The following SP2 variants were observed in gnomAD, a reference collection of about 807,000 sequenced individuals.
SP2 encodes transcription factor Sp2.
In SP2, 9 loss-of-function variants were observed where a neutral mutation model predicts 50.1. The ratio of observed to expected loss-of-function variants is 0.18; its 90% CI spans 0.11 to 0.31. The LOEUF is 0.31. Ranked by LOEUF, SP2 falls within the 10% of genes least tolerant of loss-of-function variation. The pLI, the probability that SP2 is intolerant of heterozygous loss-of-function variation, is 1.00. For synonymous variants in SP2, 313 were observed against 326.6 expected (o/e 0.96, Z 0.45); for missense variants, 581 against 806.5 (o/e 0.72, Z 3.39).
intron 1 of SP2, chr17:47,897,856 G>A (rs2034400523): frequency 1.0e-6 from 1 of 985,388 alleles, no homozygotes; most frequent in Non-Finnish European, 1.2e-6. Context: ...GGCTGATGAT[G>A]TCAGTGTTCC....
At chr17:47,899,086 T>G (rs1172921843) in intron 1 of SP2, 1 of 152,256 alleles carries the variant, frequency 6.6e-6, no homozygotes, top group Non-Finnish European at 1.5e-5. Context: ...TGCAACTCCT[T>G]GTATGACGTT....
chr17:47,931,363 AT>A (rs909451528), downstream of SP2, among the ~76,000 whole-genome samples: 1 of 152,092 alleles, frequency 6.6e-6, no homozygotes, highest in African/African-American at 2.4e-5. Flanking sequence ...AAGAAAAAAA[AT>A]CATCTTTCCA....
In SP2 at chr17:47,927,673, GACAGGGTCTGTGC is replaced by G. The variant is rs767871664; in HGVS notation, c.1742-38_1742-26del. ...CACGCACCCCACCTTTTTGGGCAGA[GACAGGGTCTGTGC>G]ACAGGGTCTGTGGGTGATGGGCATC... On this transcript the variant is annotated intron_variant, in intron 6 of 6. Coordinates refer to ENST00000376741, the MANE Select transcript of SP2 (RefSeq NM_003110.6). The G allele has an allele frequency of 8.3e-6, 11 of 1,324,076 alleles. No individual in the cohort carries two copies. The African/African-American group carries it at 1.0e-4, about 12-fold the overall frequency. 82.0% of individuals were successfully genotyped at this position (1,324,076 alleles called of 1,614,324 possible). A position where few individuals can be genotyped will look rare whatever the true frequency, so the allele number is the denominator to read the frequency against.
chr17:47,923,387 A>G, intron 4 of SP2, 113 bp downstream of exon 4: 2 of 873,302 alleles, frequency 2.3e-6, no homozygotes, highest in Middle Eastern at 3.0e-4. Flanking sequence ...GCTGTCCATC[A>G]TAGCTTAAGG....
At chr17:47,920,848 T>G (rs1168337010) in intron 3 of SP2, among the ~76,000 whole-genome samples, 2 of 152,216 alleles carry the variant, frequency 1.3e-5, no homozygotes, top group Non-Finnish European at 2.9e-5. Context: ...ATTTTTAGTA[T>G]ATTCACAGAG....
At chr17:47,917,863 G>A (rs1053341957) in intron 3 of SP2, 2 of 360,540 alleles carry the variant, frequency 5.5e-6, no homozygotes, top group Non-Finnish European at 1.1e-5. Flanking sequence ...CTAATACTCT[G>A]GAATCTCTTT....
rs28585388 is a variant in SP2 at position 47,906,660 on chromosome 17, C to T, written c.8-8652C>T. ...AGAAAGAGCTGTAAGCAAGGAAAGA[C>T]AGCTGCAGACACTGAAGTTTTTCAA... On this transcript the variant is annotated intron_variant, in intron 1 of 6. Coordinates refer to ENST00000376741, the MANE Select transcript of SP2 (RefSeq NM_003110.6). 9.5e-3 allele frequency among the ~76,000 whole-genome samples: 1,452 copies of T among 152,322 alleles called. 20 individuals carry two copies. The highest frequency in any genetic ancestry group is 0.03 in the African/African-American group (1,266 of 41,570).
chr17:47,903,995 G>C (rs1308836571), intron 1 of SP2, among the ~76,000 whole-genome samples: 1 of 151,246 alleles, frequency 6.6e-6, no homozygotes, highest in Non-Finnish European at 1.5e-5. Flanking sequence ...AGGTGCAGTG[G>C]CTCATGCCTG....
intron 1 of SP2, among the ~76,000 whole-genome samples, chr17:47,905,463 C>T (rs1430506477): frequency 6.6e-6 from 1 of 152,206 alleles, no homozygotes; most frequent in Non-Finnish European, 1.5e-5. Context: ...AGCCGAGTTA[C>T]CCCCAAGGCC....
chr17:47,916,093 G>A lies in SP2; in HGVS notation c.85-63G>A. 1 of 1,546,858 alleles carries A rather than the reference G, an allele frequency of 6.5e-7. No individual in the cohort carries two copies. The highest frequency in any genetic ancestry group is 1.9e-5 in the Admixed American group (1 of 53,782). ...ATGCCGCCAGGAGGAGAGGATCATG[G>A]ACAGAGGCGGCCGGGCAGCGGGCCT... On this transcript the variant is annotated intron_variant, in intron 2 of 6. Coordinates refer to ENST00000376741, the MANE Select transcript of SP2 (RefSeq NM_003110.6). This position sits in a 1 kb window ranked among gnomAD's most constrained non-coding sequence, Gnocchi z 4.7.
At chr17:47,917,770 C>T in intron 3 of SP2, 1 of 445,354 alleles carries the variant, frequency 2.2e-6, no homozygotes, top group Non-Finnish European at 4.5e-6. Context: ...TGTCACCATG[C>T]CAGGCTGAGC....
At chr17:47,919,002 TAC>T (rs35792055) in intron 3 of SP2, among the ~76,000 whole-genome samples, 20,352 of 151,444 alleles carry the variant, frequency 0.13, 1,690 homozygotes, top group Middle Eastern at 0.2. Flanking sequence ...CAGATGCAAA[TAC>T]ACACACACAC....
chr17:47,916,557 C>T lies in SP2; in HGVS notation c.486C>T (p.Thr162=), dbSNP rs1362749028. 1 of 1,614,154 alleles carries T rather than the reference C, an allele frequency of 6.2e-7. No individual in the cohort carries two copies. ...LTNQIQIIPG[T]NQAIITPSPS... is the part of the protein sequence containing the mutation. Reference sequence around the variant, plus strand: ...ACCAGATCCAGATCATCCCTGGCACCAACCAAGCCATCATCACCCCCTCAC... The same window carrying T: ...ACCAGATCCAGATCATCCCTGGCACTAACCAAGCCATCATCACCCCCTCAC... The change falls in exon 3 of 7, where the codon ACC becomes ACT. Residue 162 remains threonine, a synonymous_variant. Coordinates refer to ENST00000376741, the MANE Select transcript of SP2 (RefSeq NM_003110.6). The surrounding 1 kb of genome is among the most constrained non-coding windows in gnomAD (Gnocchi z 4.7).
At chr17:47,922,327 T>C (rs973037983) in intron 3 of SP2, among the ~76,000 whole-genome samples, 1 of 152,198 alleles carries the variant, frequency 6.6e-6, no homozygotes, top group African/African-American at 2.4e-5. Context: ...AGGTTTTTGA[T>C]ACATATCCCC....
chr17:47,914,852 C>T (rs2035127085), intron 1 of SP2: 2 of 153,246 alleles, frequency 1.3e-5, no homozygotes, highest in African/African-American at 4.8e-5. Flanking sequence ...AGGCTATCAA[C>T]CCAGGGTGGG....
At chr17:47,914,404 G>A (rs532374286) in intron 1 of SP2, among the ~76,000 whole-genome samples, 2 of 152,054 alleles carry the variant, frequency 1.3e-5, no homozygotes, top group East Asian at 1.9e-4. Context: ...CCCATGTGCT[G>A]TATATGCTGC....
intron 1 of SP2, chr17:47,900,479 A>G (rs2034494496): frequency 6.6e-6 from 1 of 152,266 alleles, no homozygotes; most frequent in Non-Finnish European, 1.5e-5. Flanking sequence ...TCATTTCAGA[A>G]GCTGATTCTG....
rs2034321821 is a variant in SP2 at position 47,896,255 on chromosome 17, A to T, written c.-32A>T. 3 of 1,226,566 alleles carry T rather than the reference A, an allele frequency of 2.4e-6. No individual in the cohort carries two copies. The highest frequency in any genetic ancestry group is 3.3e-5 in the African/African-American group (2 of 60,452). The allele number at this position is 1,226,566 out of a possible 1,614,324, so 76.0% of individuals were successfully genotyped here. A position where few individuals can be genotyped will look rare whatever the true frequency, so the allele number is the denominator to read the frequency against. The stretch of plus-strand genomic sequence containing the variant: ...GGTGTCAGGCTCTCGGTGGCGGCGG[A>T]GGCGGCGGAGGCCAGGGAGGAAGAT... On this transcript the variant is annotated 5_prime_UTR_variant, in exon 1 of 7. Transcript: ENST00000376741.
Position 47,916,802 on chromosome 17 carries a change from A to G in SP2, c.731A>G (p.Asn244Ser). 6.2e-7 allele frequency: 1 copy of G among 1,614,142 alleles called. No individual in the cohort carries two copies. Among genetic ancestry groups the G allele is most frequent in the Non-Finnish European group, 8.5e-7 (1 of 1,179,970 alleles). The change falls in exon 3 of 7, where the codon AAC becomes AGC. Residue 244 changes from asparagine to serine, a missense_variant. Around this residue, in one of 2 missense-constraint regions of SP2, gnomAD observed 397 missense variants for 491.0 expected, o/e 0.81. Transcript: ENST00000376741. The surrounding 1 kb of genome is among the most constrained non-coding windows in gnomAD (Gnocchi z 4.7). ...ESPPTPLSKT[N>S]KKARKKSLPA... ...CCCCCAACCCCGCTGTCTAAGACTA[A>G]CAAGAAAGCAAGGAAGAAGAGCCTT... is the stretch of plus-strand genomic sequence containing the variant.
Sources: gnomAD v4.1 joint callset for allele counts (sites outside exome capture counted in the v4.1 genomes callset) on GRCh38, gnomAD v4.1.1 for gene constraint, gnomAD v4.1.1 regional missense constraint, Gnocchi (gnomAD v3.1) non-coding constraint, MANE v1.5 for transcripts, NCBI Gene and HGNC (gene_info 2026-07-23, HGNC 2026-07-21) for gene names.